The following PLA2G7 variants were observed in gnomAD, a reference collection of about 807,000 sequenced individuals.
PLA2G7 encodes phospholipase A2 group VII, also known as platelet-activating factor acetylhydrolase.
PLA2G7 carries 63 observed loss-of-function variants against 49.6 expected under a neutral mutation model. That is an observed-to-expected ratio of 1.27 (90% CI 1.04 to 1.57). The LOEUF (loss-of-function observed/expected upper bound fraction) is 1.57. Among genes scored for constraint, PLA2G7 ranks in the 40% most tolerant of loss-of-function variants. PLA2G7 has a pLI of 0.00. For synonymous variants in PLA2G7, 193 were observed against 169.9 expected, an observed-to-expected ratio of 1.14 and a Z score of -1.06; for missense variants, 596 against 521.2, an observed-to-expected ratio of 1.14 and a Z score of -1.40.
chr6:46,705,527 T>A lies in PLA2G7; in HGVS notation c.1041-226A>T, dbSNP rs1383349739. 2.0e-5 allele frequency among the ~76,000 whole-genome samples: 3 copies of A among 152,158 alleles called. No individual in the cohort carries two copies. The East Asian group carries it at 5.8e-4, about 29-fold the overall frequency. On this transcript the variant is annotated intron_variant, in intron 10 of 11. Transcript: ENST00000274793. ...CCCTCTAGAAATACAACTCAAAGAATCTTGTTCTTGCTTGGTATCTTGATT... is the reference window on the plus strand; with the variant it reads ...CCCTCTAGAAATACAACTCAAAGAAACTTGTTCTTGCTTGGTATCTTGATT...
In PLA2G7 at chr6:46,722,775, C is replaced by T; in HGVS notation, c.109+8G>A. 6.5e-7 allele frequency: 1 copy of T among 1,538,494 alleles called. No individual in the cohort carries two copies. Among genetic ancestry groups the T allele is most frequent in the Non-Finnish European group, 9.0e-7 (1 of 1,110,974 alleles). On this transcript the variant is annotated splice_region_variant and intron_variant, in intron 2 of 11. Coordinates refer to ENST00000274793, the MANE Select transcript of PLA2G7 (RefSeq NM_005084.4). ...TTGCTCAAGACCTTGAACAAATACACCTCTTACCTGATGATTTCATATGGG... is the reference window on the plus strand; with the variant it reads ...TTGCTCAAGACCTTGAACAAATACATCTCTTACCTGATGATTTCATATGGG...
At chr6:46,716,922 A>G in intron 3 of PLA2G7, 53 bp downstream of exon 3, 1 of 1,574,670 alleles carries the variant, frequency 6.4e-7, no homozygotes, top group Non-Finnish European at 8.7e-7. Flanking sequence ...AGTGGTCCAT[A>G]GCGACAGACA....
At chr6:46,710,178 C>T (rs1025070544) in intron 8 of PLA2G7, among the ~76,000 whole-genome samples, 2 of 152,126 alleles carry the variant, frequency 1.3e-5, no homozygotes, top group Non-Finnish European at 2.9e-5. Context: ...GCTGCCCACT[C>T]TGTCTGATAT....
chr6:46,704,607 G>C lies in PLA2G7; in HGVS notation c.1279C>G (p.Gln427Glu), dbSNP rs1422511847. 1 of 1,590,744 alleles carries C rather than the reference G, an allele frequency of 6.3e-7. No homozygotes were observed. The highest frequency in any genetic ancestry group is 8.6e-7 in the Non-Finnish European group (1 of 1,158,854). ...GAAGAGTTCTGTAACATGATGTGTT[G>C]ATTGGTTGTGTTAATGTTGGTCCCT... ...IPGTNINTTN[Q>E]HIMLQNSSGI... Residue 427 changes from glutamine to glutamate, a missense_variant, in exon 12 of 12, where the codon CAA becomes GAA. Transcript: ENST00000274793.
chr6:46,711,110 A>C (rs1009452959), intron 7 of PLA2G7, among the ~76,000 whole-genome samples: 4 of 152,196 alleles, frequency 2.6e-5, no homozygotes, highest in Non-Finnish European at 5.9e-5. Flanking sequence ...TCAAACATAG[A>C]AAGTTGGGTT....
intron 10 of PLA2G7, among the ~76,000 whole-genome samples, chr6:46,705,580 T>C (rs1244549896): frequency 6.6e-6 from 1 of 152,168 alleles, no homozygotes; most frequent in Admixed American, 6.5e-5. Context: ...TGCTTTTTAG[T>C]GAATTGGAAT....
chr6:46,708,064 G>A lies in PLA2G7; in HGVS notation c.967C>T (p.Gln323Ter). The A allele has an allele frequency of 6.3e-7, 1 of 1,594,140 alleles. No individual in the cohort carries two copies. Among genetic ancestry groups the A allele is most frequent in the East Asian group, 2.2e-5 (1 of 44,718 alleles). ...ATTTTTATGATATTAGCAGGATATT[G>A]GAAATATTCAGAGTTGATAAAAAAG... ...PLFFINSEYF[Q>*]YPANIIKMKK... is the part of the protein sequence containing the mutation. The change falls in exon 10 of 12, where the codon CAA becomes TAA. Residue 323 changes from glutamine to a stop codon, truncating the protein, a stop_gained. Transcript: ENST00000274793. LOFTEE classifies it high-confidence loss of function.
chr6:46,705,088 A>G (rs1764764103), intron 11 of PLA2G7, 65 bp downstream of exon 11: 1 of 1,149,910 alleles, frequency 8.7e-7, no homozygotes, highest in African/African-American at 1.5e-5. Flanking sequence ...CTAAAGCTGT[A>G]TTAAGATAGA....
intron 1 of PLA2G7, among the ~76,000 whole-genome samples, chr6:46,727,611 A>T (rs1765612660): frequency 6.6e-6 from 1 of 152,224 alleles, no homozygotes; most frequent in African/African-American, 2.4e-5. Flanking sequence ...TTAAGATGCA[A>T]ATGGAATTAA....
rs6925977 is a variant in PLA2G7, at chr6:46,708,178, A to C, written c.870-17T>G. The C allele has an allele frequency of 6.3e-7, 1 of 1,599,314 alleles. No individual in the cohort carries two copies. The highest frequency in any genetic ancestry group is 8.6e-7 in the Non-Finnish European group (1 of 1,166,790). On this transcript the variant is annotated splice_polypyrimidine_tract_variant and intron_variant, in intron 9 of 11. Coordinates refer to ENST00000274793, the MANE Select transcript of PLA2G7 (RefSeq NM_005084.4). ...ATACCACATCTGTAGATATTTGTTG[A>C]CAATGATGAAATTAAACTGGTTACA...
At position 46,717,055 on chromosome 6, in the gene PLA2G7, A is replaced by T. The variant is rs145315433; in HGVS notation, c.151T>A (p.Phe51Ile). ...CCCCGGGGGATTTTAGTTTGGCCAA[A>T]GCTTGCAGCAGCCATCAGTACTTGT... The part of the protein sequence containing the change: ...KIQVLMAAAS[F>I]GQTKIPRGNG... Residue 51 changes from phenylalanine (F) to isoleucine (I), a missense_variant, in exon 3 of 12, where the codon TTT becomes ATT. Phe to Ile is a conservative substitution (Grantham distance 21). Coordinates refer to ENST00000274793, the MANE Select transcript of PLA2G7 (RefSeq NM_005084.4). The T allele has an allele frequency of 1.7e-3, 2,744 of 1,613,852 alleles. 3 individuals carry two copies. Among genetic ancestry groups the T allele is most frequent in the Non-Finnish European group, 1.7e-3 (2,016 of 1,179,696 alleles).
chr6:46,709,500 T>G, intron 8 of PLA2G7, 82 bp from the exon 9 acceptor site: 1 of 808,188 alleles, frequency 1.2e-6, no homozygotes, highest in East Asian at 2.5e-5. Flanking sequence ...TAATTGTTCA[T>G]TTCATGGGGA....
intron 2 of PLA2G7, among the ~76,000 whole-genome samples, chr6:46,717,301 T>C (rs540003689): frequency 1.3e-5 from 2 of 152,310 alleles, no homozygotes; most frequent in East Asian, 1.9e-4. Context: ...GAGATGAAAG[T>C]AGACATAGCC....
chr6:46,722,797 T>A lies in PLA2G7; in HGVS notation c.95A>T (p.His32Leu). 6.2e-7 allele frequency: 1 copy of A among 1,601,592 alleles called. No individual in the cohort carries two copies. Among genetic ancestry groups the A allele is most frequent in the Non-Finnish European group, 8.6e-7 (1 of 1,168,526 alleles). ...ACACCTCTTACCTGATGATTTCATATGGGCAACAGGATTTATGTATTGCCA... is the reference window on the plus strand; with the variant it reads ...ACACCTCTTACCTGATGATTTCATAAGGGCAACAGGATTTATGTATTGCCA... ...FDWQYINPVAHMKSSAWVNKI... is the reference protein window; with the variant it reads ...FDWQYINPVALMKSSAWVNKI... Residue 32 changes from histidine to leucine, a missense_variant, in exon 2 of 12, where the codon CAT becomes CTT. His to Leu is a moderately conservative substitution (Grantham distance 99). Coordinates refer to ENST00000274793, the MANE Select transcript of PLA2G7 (RefSeq NM_005084.4).
chr6:46,712,364 A>G (rs1337499778), intron 5 of PLA2G7, 27 bp from the exon 6 acceptor site: 1 of 1,535,032 alleles, frequency 6.5e-7, no homozygotes. Context: ...GGGAAGAATT[A>G]CAACTACCAG....
rs1451032355 is a variant in PLA2G7, at chr6:46,707,844, T to C, written c.1040+147A>G. ...TAAAAAGAGTAAGACTAAATGTACT[T>C]AGAAACTGAGATTATCTAATTCTCT... On this transcript the variant is annotated intron_variant, in intron 10 of 11. Coordinates refer to ENST00000274793, the MANE Select transcript of PLA2G7 (RefSeq NM_005084.4). 5.0e-6 allele frequency: 3 copies of C among 605,452 alleles called. No individual in the cohort carries two copies. In the African/African-American group the frequency reaches 5.6e-5, roughly 11 times the overall value. 37.5% of individuals were successfully genotyped at this position (605,452 alleles called of 1,614,324 possible).
chr6:46,716,503 G>A lies in PLA2G7; in HGVS notation c.257C>T (p.Pro86Leu), dbSNP rs1272661620. The change falls in exon 4 of 12, where the codon CCA (proline) becomes CTA (leucine). Residue 86 changes from proline to leucine, a missense_variant. Coordinates refer to ENST00000274793, the MANE Select transcript of PLA2G7 (RefSeq NM_005084.4). Reference sequence around the variant, plus strand: ...GTCAAGGCGATCATTATCTTGGGATGGATAATATAAACGCAAGAAGGTGCC... The same window carrying A: ...GTCAAGGCGATCATTATCTTGGGATAGATAATATAAACGCAAGAAGGTGCC... ...NKGTFLRLYYPSQDNDRLDTL... is the reference protein window; with the variant it reads ...NKGTFLRLYYLSQDNDRLDTL... 2.5e-6 allele frequency: 4 copies of A among 1,613,390 alleles called. No individual in the cohort carries two copies. Among genetic ancestry groups the A allele is most frequent in the Non-Finnish European group, 3.4e-6 (4 of 1,179,520 alleles).
At chr6:46,713,917 A>C (rs907074225) in intron 5 of PLA2G7, among the ~76,000 whole-genome samples, 2 of 152,172 alleles carry the variant, frequency 1.3e-5, no homozygotes, top group African/African-American at 4.8e-5. Flanking sequence ...GACTCTTGAT[A>C]AGCAAATATA....
intron 11 of PLA2G7, among the ~76,000 whole-genome samples, 190 bp from the exon 12 acceptor site, chr6:46,704,886 C>A (rs1174204500): frequency 6.6e-6 from 1 of 152,150 alleles, no homozygotes; most frequent in Non-Finnish European, 1.5e-5. Flanking sequence ...AGTGAGGCAA[C>A]CTGCTGTCAG....
Sources: gnomAD v4.1 joint callset for allele counts (sites outside exome capture counted in the v4.1 genomes callset) on GRCh38, gnomAD v4.1.1 for gene constraint, MANE v1.5 for transcripts, NCBI Gene and HGNC (gene_info 2026-07-23, HGNC 2026-07-21) for gene names.